SHANK2: variants seen among roughly 807,000 people sequenced by gnomAD.
SHANK2 encodes the protein SH3 and multiple ankyrin repeat domains 2, also known as SH3 and multiple ankyrin repeat domains protein 2.
In SHANK2, 43 loss-of-function variants were observed where a neutral mutation model predicts 133.7. The observed-to-expected ratio is 0.32, with a 90% CI of 0.25 to 0.41. The LOEUF is 0.41. SHANK2 is among the 10% of genes least tolerant of loss of function. The probability of loss-of-function intolerance (pLI) is 1.00; values close to 1 mark genes in which losing one functional copy is unlikely to be tolerated. For synonymous variants in SHANK2, 1,017 were observed against 952.8 expected, an observed-to-expected ratio of 1.07 and a Z score of -1.24; for missense variants, 1,994 against 2,235.8, an observed-to-expected ratio of 0.89 and a Z score of 2.18.
At chr11:70,769,360 C>T (rs950390819) in intron 14 of SHANK2, among the ~76,000 whole-genome samples, 7 of 152,182 alleles carry the variant, frequency 4.6e-5, no homozygotes, top group South Asian at 2.1e-4. Context: ...GTCACCCTGG[C>T]ACATAGACTC....
chr11:70,905,781 T>G (rs1950093338), intron 10 of SHANK2, among the ~76,000 whole-genome samples: 2 of 151,726 alleles, frequency 1.3e-5, no homozygotes, highest in Non-Finnish European at 2.9e-5. Context: ...GCCTATTGTT[T>G]ATAAGCCACC....
At chr11:71,111,364 C>T (rs551305256) in intron 5 of SHANK2, among the ~76,000 whole-genome samples, 2 of 152,332 alleles carry the variant, frequency 1.3e-5, no homozygotes, top group Admixed American at 6.5e-5. Context: ...CCCCGAGTGG[C>T]TCAAGGTGAA....
In SHANK2 at chr11:70,885,324, G is replaced by A. The variant is rs548477221; in HGVS notation, c.1174+11177C>T. 5.8e-4 allele frequency among the ~76,000 whole-genome samples: 88 copies of A among 152,328 alleles called. No individual in the cohort carries two copies. The South Asian group carries it at 8.9e-3, about 15-fold the overall frequency. On this transcript the variant is annotated intron_variant, in intron 11 of 25. Transcript: ENST00000601538. Reference sequence around the variant, plus strand: ...CTAAGGGTGAGAACTGCCCAGGACCGGGGAGCAAAGAGCTGGGAGAAGCTC... The same window carrying A: ...CTAAGGGTGAGAACTGCCCAGGACCAGGGAGCAAAGAGCTGGGAGAAGCTC...
At chr11:70,496,617 T>A (rs2058974843) in intron 21 of SHANK2, among the ~76,000 whole-genome samples, 1 of 152,146 alleles carries the variant, frequency 6.6e-6, no homozygotes, top group Non-Finnish European at 1.5e-5. Flanking sequence ...CTGGCTGTAG[T>A]AAAGGGATTG....
intron 14 of SHANK2, among the ~76,000 whole-genome samples, chr11:70,712,938 A>T (rs782490880): frequency 3.9e-5 from 6 of 152,160 alleles, no homozygotes; most frequent in Non-Finnish European, 7.3e-5. Flanking sequence ...ATGTGCGCAC[A>T]TGTGTATGGC....
chr11:70,648,834 C>T (rs540356895), intron 17 of SHANK2, among the ~76,000 whole-genome samples: 267 of 152,226 alleles, frequency 1.8e-3, no homozygotes, highest in Non-Finnish European at 2.8e-3. Flanking sequence ...GTGGTGCCTT[C>T]CTTTCCTTAA....
intron 14 of SHANK2, among the ~76,000 whole-genome samples, chr11:70,735,793 C>A (rs1946392108): frequency 6.6e-6 from 1 of 151,946 alleles, no homozygotes. Context: ...GTCCACCTCC[C>A]CAGAGCACCA....
chr11:70,809,033 A>G (rs1555052625), intron 12 of SHANK2, among the ~76,000 whole-genome samples: 1 of 152,222 alleles, frequency 6.6e-6, no homozygotes, highest in Non-Finnish European at 1.5e-5. Context: ...ACACCTTAAC[A>G]GGGCCCAGAG....
At position 70,622,287 on chromosome 11, in the gene SHANK2, T is replaced by C. The variant is rs146173661; in HGVS notation, c.2061+37541A>G. ...GGCCCCACAGCTGCCCGGCAGTGTA[T>C]GGAAGAGCCCAGGACTCAACTCATG... On this transcript the variant is annotated intron_variant, in intron 17 of 25. Coordinates refer to ENST00000601538, the MANE Select transcript of SHANK2 (RefSeq NM_012309.5). Among the ~76,000 whole-genome samples the C allele has an allele frequency of 4.8e-3, 733 of 152,164 alleles. 7 individuals are homozygous for C. Among genetic ancestry groups the C allele is most frequent in the African/African-American group, 0.017 (698 of 41,526 alleles).
intron 14 of SHANK2, among the ~76,000 whole-genome samples, chr11:70,774,297 G>A (rs944432995): frequency 8.6e-5 from 13 of 151,868 alleles, no homozygotes; most frequent in African/African-American, 2.9e-4. Context: ...CCAGGGCTCC[G>A]GTAAAGGGGA....
chr11:70,810,582 C>T lies in SHANK2; in HGVS notation c.1494-3411G>A, dbSNP rs182039795. Among the ~76,000 whole-genome samples the T allele has an allele frequency of 4.7e-4, 72 of 152,350 alleles. 1 individual carries two copies. Among genetic ancestry groups the T allele is most frequent in the African/African-American group, 1.5e-3 (63 of 41,586 alleles). On this transcript the variant is annotated intron_variant, in intron 12 of 25. Coordinates refer to ENST00000601538, the MANE Select transcript of SHANK2 (RefSeq NM_012309.5). ...CGAGTGATGAAGCCAGCAAGGCTGGCGGCCATCATGGGCTCTGTGGACGGC... is the reference window on the plus strand; with the variant it reads ...CGAGTGATGAAGCCAGCAAGGCTGGTGGCCATCATGGGCTCTGTGGACGGC...
At chr11:70,828,037 G>C (rs900077192) in intron 11 of SHANK2, among the ~76,000 whole-genome samples, 2 of 152,184 alleles carry the variant, frequency 1.3e-5, no homozygotes, top group East Asian at 1.9e-4. Context: ...CCAGTGCTTC[G>C]GAAGGTGGAG....
chr11:71,214,023 G>A (rs1555119272), intron 2 of SHANK2, among the ~76,000 whole-genome samples: 1 of 152,124 alleles, frequency 6.6e-6, no homozygotes, highest in African/African-American at 2.4e-5. Context: ...CCAGGACCAG[G>A]TGCCAGGCAA....
intron 17 of SHANK2, among the ~76,000 whole-genome samples, chr11:70,561,066 AG>A (rs1335528893): frequency 6.6e-6 from 1 of 152,214 alleles, no homozygotes; most frequent in Non-Finnish European, 1.5e-5. Flanking sequence ...GCAATTCAAC[AG>A]AGTAGGAATC....
Position 70,910,069 on chromosome 11 carries a change from C to T in SHANK2, c.1108-13502G>A, listed in dbSNP as rs116005042. On this transcript the variant is annotated intron_variant, in intron 10 of 25. Transcript: ENST00000601538. ...GTGGTCCCTCTCTGTGTGTCTGTGT[C>T]CTCATCTCCTCTTCCTATAGGGACA... 3.2e-3 allele frequency among the ~76,000 whole-genome samples: 481 copies of T among 152,266 alleles called. 1 individual carries two copies. The highest frequency in any genetic ancestry group is 0.011 in the African/African-American group (458 of 41,546).
chr11:70,914,668 TAAATA>T (rs370532876), intron 10 of SHANK2, among the ~76,000 whole-genome samples: 2,386 of 107,262 alleles, frequency 0.022, 66 homozygotes, highest in African/African-American at 0.066. Flanking sequence ...ACAAAAAAAA[TAAATA>T]AAATAAAATA....
At chr11:71,067,375 G>T (rs1205305419) in intron 9 of SHANK2, among the ~76,000 whole-genome samples, 2 of 152,292 alleles carry the variant, frequency 1.3e-5, no homozygotes, top group African/African-American at 4.8e-5. Context: ...TTTAAAACTT[G>T]CTTCGCTCCT....
At chr11:71,176,380 C>T (rs544243764) in intron 2 of SHANK2, among the ~76,000 whole-genome samples, 1 of 152,004 alleles carries the variant, frequency 6.6e-6, no homozygotes. Context: ...ATCACACATG[C>T]AAAGAAGAAA....
intron 14 of SHANK2, among the ~76,000 whole-genome samples, chr11:70,744,378 C>T (rs1034448204): frequency 6.6e-6 from 1 of 152,196 alleles, no homozygotes. Context: ...GCCGGGCCCT[C>T]CTTCCTCACC....
Sources: allele counts gnomAD v4.1 joint callset (sites outside exome capture counted in the v4.1 genomes callset), GRCh38; gene constraint gnomAD v4.1.1; transcripts MANE v1.5; gene names NCBI Gene and HGNC (gene_info 2026-07-23, HGNC 2026-07-21).